GPHN: variants seen among roughly 807,000 people sequenced by gnomAD.
GPHN encodes gephyrin.
GPHN carries 17 observed loss-of-function variants against 95.5 expected under a neutral mutation model. That is an observed-to-expected ratio of 0.18 (90% CI 0.12 to 0.27). The LOEUF is 0.27. GPHN is among the 10% of genes least tolerant of loss of function. The pLI is 1.00. For missense variants in GPHN, 660 were observed against 978.1 expected, an observed-to-expected ratio of 0.67 and a Z score of 4.34; for synonymous variants, 320 against 322.5, an observed-to-expected ratio of 0.99 and a Z score of 0.08.
the GPHN span, among the ~76,000 whole-genome samples, chr14:67,657,600 A>G: frequency 1.7e-4 from 18 of 108,746 alleles, no homozygotes; most frequent in East Asian, 2.8e-3. Flanking sequence ...GCGCGCGTGC[A>G]CACACACACA....
At chr14:67,246,290 C>A in the GPHN span, among the ~76,000 whole-genome samples, 7 of 151,560 alleles carry the variant, frequency 4.6e-5, no homozygotes, top group Non-Finnish European at 7.4e-5. Flanking sequence ...CCGCACTTGG[C>A]TGATTTTTAA....
chr14:66,788,426 T>A (rs2059858740), intron 3 of GPHN, among the ~76,000 whole-genome samples: 1 of 152,222 alleles, frequency 6.6e-6, no homozygotes. Context: ...TTTTATGTAA[T>A]ATTTATAATT....
chr14:67,496,391 GTTTTTTTT>G, the GPHN span, among the ~76,000 whole-genome samples: 3 of 30,106 alleles, frequency 1.0e-4, no homozygotes, highest in South Asian at 4.3e-3. Flanking sequence ...CTGCTCCGGC[GTTTTTTTT>G]TTTTTTTTTT....
the GPHN span, among the ~76,000 whole-genome samples, chr14:67,351,800 C>T: frequency 6.6e-6 from 1 of 151,636 alleles, no homozygotes; most frequent in Non-Finnish European, 1.5e-5. Flanking sequence ...GGATTACAGG[C>T]ATGAGTCACC....
chr14:67,043,041 T>C (rs1399184467), intron 10 of GPHN, among the ~76,000 whole-genome samples: 1 of 152,226 alleles, frequency 6.6e-6, no homozygotes, highest in Non-Finnish European at 1.5e-5. Flanking sequence ...TTGTCTGTTA[T>C]TAGGGTATAG....
At chr14:66,596,182 C>G (rs2061964215) in intron 1 of GPHN, among the ~76,000 whole-genome samples, 1 of 151,948 alleles carries the variant, frequency 6.6e-6, no homozygotes. Context: ...TTGAGTTTGG[C>G]TGAGTCCAGG....
At chr14:67,429,108 AG>A in the GPHN span, among the ~76,000 whole-genome samples, 3 of 152,214 alleles carry the variant, frequency 2.0e-5, no homozygotes, top group Non-Finnish European at 4.4e-5. Context: ...CACAAAGCTC[AG>A]CTGGGCTGAA....
At chr14:67,468,550 T>C in the GPHN span, among the ~76,000 whole-genome samples, 148 of 152,248 alleles carry the variant, frequency 9.7e-4, no homozygotes, top group African/African-American at 3.4e-3. Context: ...GTGTTGTTAG[T>C]GCCCTTTGGA....
the GPHN span, among the ~76,000 whole-genome samples, chr14:67,348,298 G>A: frequency 3.3e-5 from 5 of 151,992 alleles, no homozygotes; most frequent in African/African-American, 9.7e-5. Flanking sequence ...TCGAACTCCC[G>A]ACCTCAGGCG....
intron 2 of GPHN, among the ~76,000 whole-genome samples, chr14:66,704,630 C>T (rs970279774): frequency 3.3e-5 from 5 of 152,086 alleles, no homozygotes; most frequent in Admixed American, 1.3e-4. Context: ...AAAGACACAA[C>T]GTACCAGAAG....
the GPHN span, among the ~76,000 whole-genome samples, chr14:67,535,252 C>T: frequency 6.6e-6 from 1 of 151,696 alleles, no homozygotes; most frequent in South Asian, 2.1e-4. Context: ...GAAGTACAGG[C>T]ATGGGAAGAA....
At chr14:66,778,986 C>G (rs919940135) in intron 3 of GPHN, among the ~76,000 whole-genome samples, 1 of 151,840 alleles carries the variant, frequency 6.6e-6, no homozygotes, top group African/African-American at 2.4e-5. Flanking sequence ...TCAGGTGATC[C>G]ATCTGCCTCG....
chr14:66,687,561 T>C (rs1241104275), intron 2 of GPHN, among the ~76,000 whole-genome samples: 1 of 147,802 alleles, frequency 6.8e-6, no homozygotes, highest in Non-Finnish European at 1.5e-5. Flanking sequence ...CAATCTCGGC[T>C]CACCGCAACC....
chr14:67,016,165 A>G (rs950039252), intron 9 of GPHN, among the ~76,000 whole-genome samples: 7 of 152,172 alleles, frequency 4.6e-5, no homozygotes, highest in Admixed American at 1.3e-4. Context: ...TATCTGGCTC[A>G]GAGACTTTTA....
intron 18 of GPHN, among the ~76,000 whole-genome samples, chr14:67,144,187 AGATCAC>A (rs1382391832): frequency 6.9e-6 from 1 of 144,034 alleles, no homozygotes; most frequent in Non-Finnish European, 1.5e-5. Context: ...CAGTGAGCTG[AGATCAC>A]ACCACTGCAC....
the GPHN span, among the ~76,000 whole-genome samples, chr14:67,535,122 C>T: frequency 4.6e-5 from 7 of 152,182 alleles, no homozygotes; most frequent in South Asian, 2.1e-4. Flanking sequence ...TGGTGGGCCA[C>T]GATTTTTGGG....
intron 10 of GPHN, among the ~76,000 whole-genome samples, chr14:67,025,864 T>C (rs2073898718): frequency 6.6e-6 from 1 of 152,300 alleles, no homozygotes; most frequent in South Asian, 2.1e-4. Context: ...GGCCACCAAA[T>C]GTGAACAAGC....
intron 11 of GPHN, among the ~76,000 whole-genome samples, chr14:67,079,539 C>T (rs1327776721): frequency 3.9e-5 from 6 of 152,002 alleles, no homozygotes; most frequent in Non-Finnish European, 1.5e-5. Flanking sequence ...TTGTAACTGG[C>T]TTTTTCCACT....
chr14:66,536,751 G>A (rs1409259416), intron 1 of GPHN, among the ~76,000 whole-genome samples: 1 of 152,172 alleles, frequency 6.6e-6, no homozygotes, highest in Non-Finnish European at 1.5e-5. Flanking sequence ...TGGTGTTAAT[G>A]TTCTTTGTCA....
Sources: allele counts gnomAD v4.1 joint callset (sites outside exome capture counted in the v4.1 genomes callset), GRCh38; gene constraint gnomAD v4.1.1; transcripts MANE v1.5; gene names NCBI Gene and HGNC (gene_info 2026-07-23, HGNC 2026-07-21).